The following PTPN7 variants were observed in gnomAD, a reference collection of about 807,000 sequenced individuals.
PTPN7 encodes the protein protein tyrosine phosphatase non-receptor type 7.
PTPN7 carries 33 observed loss-of-function variants against 50.3 expected under a neutral mutation model. That is an observed-to-expected ratio of 0.66 (90% CI 0.50 to 0.88). PTPN7 has a LOEUF of 0.88. Ranked by LOEUF, PTPN7 falls within the 40% of genes least tolerant of loss-of-function variation. The probability of loss-of-function intolerance (pLI) is 0.00; values close to 1 mark genes in which losing one functional copy is unlikely to be tolerated. For missense variants in PTPN7, 412 were observed against 475.4 expected (o/e 0.87, Z 1.24); for synonymous variants, 185 against 186.6 (o/e 0.99, Z 0.07).
In PTPN7 at chr1:202,159,297, C is replaced by G; in HGVS notation, c.106G>C (p.Val36Leu). 1 of 1,614,210 alleles carries G rather than the reference C, an allele frequency of 6.2e-7. No homozygotes were observed. The highest frequency in any genetic ancestry group is 8.5e-7 in the Non-Finnish European group (1 of 1,180,030). Residue 36 changes from valine to leucine, a missense_variant, in exon 2 of 10, where the codon GTG (valine) becomes CTG (leucine). Transcript: ENST00000691036. The surrounding 1 kb of genome is among the most constrained non-coding windows in gnomAD (Gnocchi z 4.6). ...AGATCTCACCTCTCCTGCAGTCGCA[C>G]ATGCTTCTTGGCTGGCGTTTTTTCA... ...PPEKTPAKKH[V>L]RLQERRGSNV...
chr1:202,155,201 C>T (rs902984953), intron 5 of PTPN7, among the ~76,000 whole-genome samples: 2 of 152,108 alleles, frequency 1.3e-5, no homozygotes, highest in South Asian at 2.1e-4. Flanking sequence ...ATGCAGTTCT[C>T]GGGAGCTGTG....
chr1:202,160,908 T>C (rs555148078), upstream of PTPN7: 2 of 1,453,518 alleles, frequency 1.4e-6, no homozygotes, highest in Non-Finnish European at 1.8e-6. This position sits in a 1 kb window ranked among gnomAD's most constrained non-coding sequence, Gnocchi z 4.8. Context: ...ACAGCTCGCC[T>C]GACCCCCAGC....
At chr1:202,151,950 G>A (rs141904645) in intron 8 of PTPN7, among the ~76,000 whole-genome samples, 7 of 152,056 alleles carry the variant, frequency 4.6e-5, no homozygotes, top group African/African-American at 9.6e-5. Flanking sequence ...ATGGAGTCTC[G>A]CTCTGTCACC....
In PTPN7 at chr1:202,159,261, T is replaced by A; in HGVS notation, c.122+20A>T. The A allele has an allele frequency of 6.2e-7, 1 of 1,610,338 alleles. No homozygotes were observed. The highest frequency in any genetic ancestry group is 1.3e-5 in the African/African-American group (1 of 74,958). On this transcript the variant is annotated intron_variant, in intron 2 of 9. Transcript: ENST00000691036. This position sits in a 1 kb window ranked among gnomAD's most constrained non-coding sequence, Gnocchi z 4.6. ...GGGGGCTCAGGGCTCGGAAGACCCC[T>A]CCCCCAGGGAAGATCTCACCTCTCC... is the stretch of plus-strand genomic sequence containing the variant.
At position 202,150,132 on chromosome 1, in the gene PTPN7, C is replaced by T. The variant is rs1194404109; in HGVS notation, c.989+179G>A. Reference sequence around the variant, plus strand: ...ACAGGTGTGAGCCACCGCACCCGGCCATCCAGATAGATATTTTTTCCTGGT... The same window carrying T: ...ACAGGTGTGAGCCACCGCACCCGGCTATCCAGATAGATATTTTTTCCTGGT... On this transcript the variant is annotated intron_variant, in intron 9 of 9. Coordinates refer to ENST00000691036, the MANE Select transcript of PTPN7 (RefSeq NM_002832.4). 3.1e-5 allele frequency: 18 copies of T among 577,656 alleles called. No individual in the cohort carries two copies. In the South Asian group the frequency reaches 3.5e-4, roughly 11 times the overall value. 35.8% of individuals were successfully genotyped at this position (577,656 alleles called of 1,614,324 possible).
chr1:202,161,249 C>T (rs906895955), upstream of PTPN7: 67 of 1,133,954 alleles, frequency 5.9e-5, no homozygotes, highest in Admixed American at 1.9e-4. Flanking sequence ...CCACAGCCCA[C>T]GGCCTGAGTG....
In PTPN7 at chr1:202,160,445, C is replaced by G; in HGVS notation, c.-53+100G>C. 7.9e-7 allele frequency: 1 copy of G among 1,258,294 alleles called. No homozygotes were observed. The highest frequency in any genetic ancestry group is 2.7e-4 in the Middle Eastern group (1 of 3,650). The allele number at this position is 1,258,294 out of a possible 1,614,324, so 77.9% of individuals were successfully genotyped here. A position where few individuals can be genotyped will look rare whatever the true frequency, so the allele number is the denominator to read the frequency against. ...CCCAGCCAGGCACTGTGGCGCCCCA[C>G]TCGCCCTCCCGCACTCCCTCCTAGA... On this transcript the variant is annotated intron_variant, in intron 1 of 9. Transcript: ENST00000691036. The surrounding 1 kb of genome is among the most constrained non-coding windows in gnomAD (Gnocchi z 4.8).
At chr1:202,161,459 C>T, upstream of PTPN7, 1 of 1,289,792 alleles carries the variant, frequency 7.8e-7, no homozygotes, top group African/African-American at 1.5e-5. Context: ...TGCCTGGATG[C>T]CTGGGACCTG....
Position 202,160,586 on chromosome 1 carries a change from T to C in PTPN7, c.-94A>G. 1.3e-6 allele frequency: 2 copies of C among 1,550,374 alleles called. No homozygotes were observed. Among genetic ancestry groups the C allele is most frequent in the Admixed American group, 3.9e-5 (2 of 50,996 alleles). On this transcript the variant is annotated 5_prime_UTR_variant, in exon 1 of 10. Transcript: ENST00000691036. This position sits in a 1 kb window ranked among gnomAD's most constrained non-coding sequence, Gnocchi z 4.8. The stretch of plus-strand genomic sequence containing the variant: ...CCCAGGCTGCCTCTTGCCAGCTGTC[T>C]GTCTGTCTGTCGGTCTGTCTTTGAG...
At position 202,159,428 on chromosome 1, in the gene PTPN7, G is replaced by A. The variant is rs772509810; in HGVS notation, c.-26C>T. 2 of 1,614,062 alleles carry A rather than the reference G, an allele frequency of 1.2e-6. No homozygotes were observed. The highest frequency in any genetic ancestry group is 2.2e-5 in the East Asian group (1 of 44,862). On this transcript the variant is annotated 5_prime_UTR_variant, in exon 2 of 10. Coordinates refer to ENST00000691036, the MANE Select transcript of PTPN7 (RefSeq NM_002832.4). This position sits in a 1 kb window ranked among gnomAD's most constrained non-coding sequence, Gnocchi z 4.6. The stretch of plus-strand genomic sequence containing the variant: ...GCTGAGGTGGGGTGCTGGGCCCAGG[G>A]GAGGCTCACTCAGCCATGAGGTCTG...
intron 5 of PTPN7, 152 bp from the exon 6 acceptor site, chr1:202,154,475 A>T: frequency 1.1e-6 from 1 of 897,898 alleles, no homozygotes; most frequent in Non-Finnish European, 1.6e-6. Flanking sequence ...CAGAAGCCAC[A>T]TGATGGAAAG....
upstream of PTPN7, chr1:202,160,780 G>A (rs1437576845): frequency 6.5e-7 from 1 of 1,550,358 alleles, no homozygotes; most frequent in Admixed American, 2.0e-5. This position sits in a 1 kb window ranked among gnomAD's most constrained non-coding sequence, Gnocchi z 4.8. Context: ...CCCTGGGAAT[G>A]GGTGAGGGGC....
chr1:202,161,044 C>T (rs1657328429), upstream of PTPN7: 1 of 1,377,320 alleles, frequency 7.3e-7, no homozygotes, highest in African/African-American at 1.7e-5. Context: ...TCAAGGCCCT[C>T]TCCCTCAAAG....
intron 6 of PTPN7, 128 bp downstream of exon 6, chr1:202,154,058 C>G: frequency 7.2e-7 from 1 of 1,382,758 alleles, no homozygotes; most frequent in Non-Finnish European, 1.0e-6. Flanking sequence ...AGGGAACTTT[C>G]TGAGAGGTAT....
chr1:202,159,814 C>G lies in PTPN7; in HGVS notation c.-52-360G>C. 1 of 1,146,996 alleles carries G rather than the reference C, an allele frequency of 8.7e-7. No homozygotes were observed. Among genetic ancestry groups the G allele is most frequent in the Non-Finnish European group, 1.1e-6 (1 of 932,042 alleles). 71.1% of individuals were successfully genotyped at this position (1,146,996 alleles called of 1,614,324 possible). A position where few individuals can be genotyped will look rare whatever the true frequency, so the allele number is the denominator to read the frequency against. ...AACAGAAAATATGTGTTCTCTAGGA[C>G]GGAAGGGAGAAAGCACGCAGAAGCC... On this transcript the variant is annotated intron_variant, in intron 1 of 9. Coordinates refer to ENST00000691036, the MANE Select transcript of PTPN7 (RefSeq NM_002832.4). The surrounding 1 kb of genome is among the most constrained non-coding windows in gnomAD (Gnocchi z 4.6).
chr1:202,150,483 AG>A, intron 8 of PTPN7, 59 bp from the exon 9 acceptor site: 1 of 1,370,416 alleles, frequency 7.3e-7, no homozygotes, highest in Non-Finnish European at 1.0e-6. Context: ...TATGAGAGCC[AG>A]GCCCCAAACT....
intron 4 of PTPN7, 75 bp downstream of exon 4, chr1:202,157,663 TG>T: frequency 7.2e-7 from 1 of 1,381,314 alleles, no homozygotes; most frequent in Non-Finnish European, 1.0e-6. Context: ...TGGCTGAAAC[TG>T]TGTACTTTGT....
intron 3 of PTPN7, 80 bp from the exon 4 acceptor site, chr1:202,157,903 AC>A: frequency 1.4e-6 from 2 of 1,468,376 alleles, no homozygotes; most frequent in Non-Finnish European, 9.5e-7. Flanking sequence ...GAACAGCTGG[AC>A]TCTGGCCATT....
intron 3 of PTPN7, 137 bp from the exon 4 acceptor site, chr1:202,157,960 G>C: frequency 8.2e-7 from 1 of 1,224,146 alleles, no homozygotes; most frequent in Non-Finnish European, 1.1e-6. Context: ...GGGGGCAGAA[G>C]GGGAAGCCTG....
Sources: gnomAD v4.1 joint callset for allele counts (sites outside exome capture counted in the v4.1 genomes callset) on GRCh38, gnomAD v4.1.1 for gene constraint, Gnocchi (gnomAD v3.1) non-coding constraint, MANE v1.5 for transcripts, NCBI Gene and HGNC (gene_info 2026-07-23, HGNC 2026-07-21) for gene names.